The following SEC22A variants were observed in gnomAD, a reference collection of about 807,000 sequenced individuals.
SEC22A encodes SEC22 homolog A, vesicle trafficking protein.
SEC22A carries 22 observed loss-of-function variants against 35.3 expected under a neutral mutation model. The ratio of observed to expected loss-of-function variants is 0.62; its 90% CI spans 0.45 to 0.89. SEC22A has a LOEUF of 0.89. Ranked by LOEUF, SEC22A falls within the 40% of genes least tolerant of loss-of-function variation. SEC22A has a pLI of 0.00. For synonymous variants in SEC22A, 119 were observed against 129.5 expected (o/e 0.92, Z 0.55); for missense variants, 354 against 362.5 (o/e 0.98, Z 0.19).
rs1189954330 is a variant in SEC22A, at chr3:123,272,400, TA to T, written c.*684del. 1 of 152,314 alleles carries T rather than the reference TA, an allele frequency of 6.6e-6. No homozygotes were observed. The highest frequency in any genetic ancestry group is 2.1e-4 in the South Asian group (1 of 4,822). 9.4% of individuals were successfully genotyped at this position (152,314 alleles called of 1,614,324 possible). A position where few individuals can be genotyped will look rare whatever the true frequency, so the allele number is the denominator to read the frequency against. On this transcript the variant is annotated 3_prime_UTR_variant, in exon 7 of 7. Transcript: ENST00000492595. ...TTATTGTTTCTTTTGAAATCACGTCTAAAAAATATGACTCACACTATAGCCG... is the reference window on the plus strand; with the variant it reads ...TTATTGTTTCTTTTGAAATCACGTCTAAAAATATGACTCACACTATAGCCG...
At chr3:123,233,484 C>A (rs982745964) in intron 4 of SEC22A, among the ~76,000 whole-genome samples, 6 of 152,116 alleles carry the variant, frequency 3.9e-5, no homozygotes, top group African/African-American at 1.4e-4. Flanking sequence ...TGCATAAATC[C>A]TGACCAAGTG....
At position 123,209,351 on chromosome 3, in the gene SEC22A, C is replaced by T; in HGVS notation, c.134C>T (p.Ala45Val). 2 of 1,613,982 alleles carry T rather than the reference C, an allele frequency of 1.2e-6. No homozygotes were observed. The highest frequency in any genetic ancestry group is 1.7e-6 in the Non-Finnish European group (2 of 1,179,928). ...TTTAAAATGCTTTCGAGGAAACTTG[C>T]TCAACTTCCTGATAGATGTACACTG... The part of the protein sequence containing the change: ...KYFKMLSRKL[A>V]QLPDRCTLKT... The change falls in exon 2 of 7, where the codon GCT (alanine) becomes GTT (valine). Residue 45 changes from alanine (A) to valine (V), a missense_variant. Ala to Val is a moderately conservative substitution (Grantham distance 64). Transcript: ENST00000492595.
chr3:123,216,249 T>C (rs1045383779), intron 2 of SEC22A, among the ~76,000 whole-genome samples: 2 of 152,216 alleles, frequency 1.3e-5, no homozygotes, highest in African/African-American at 2.4e-5. Context: ...AGGGATTATC[T>C]GATCAGTTAT....
intron 6 of SEC22A, among the ~76,000 whole-genome samples, chr3:123,260,624 A>AG (rs1216735800): frequency 6.6e-6 from 1 of 152,212 alleles, no homozygotes; most frequent in Non-Finnish European, 1.5e-5. Context: ...ACAGCAAGCA[A>AG]GGCTTTTTGA....
intron 5 of SEC22A, among the ~76,000 whole-genome samples, chr3:123,251,979 T>G (rs963478132): frequency 2.6e-5 from 4 of 152,192 alleles, no homozygotes; most frequent in African/African-American, 9.7e-5. Context: ...AGTGTCAGAA[T>G]GTAAATGGAC....
At chr3:123,212,940 T>G (rs1348767236) in intron 2 of SEC22A, among the ~76,000 whole-genome samples, 1 of 152,200 alleles carries the variant, frequency 6.6e-6, no homozygotes, top group African/African-American at 2.4e-5. Flanking sequence ...AACATTGTTT[T>G]TCCTGTTATT....
At chr3:123,247,243 C>G (rs1016033113) in intron 5 of SEC22A, among the ~76,000 whole-genome samples, 24 of 151,956 alleles carry the variant, frequency 1.6e-4, no homozygotes, top group Admixed American at 3.9e-4. Context: ...TTTTTGTACT[C>G]AACATAGTAG....
chr3:123,221,557 T>A (rs903785511), intron 2 of SEC22A, among the ~76,000 whole-genome samples: 14 of 151,904 alleles, frequency 9.2e-5, no homozygotes, highest in Non-Finnish European at 2.1e-4. Context: ...GCATGCTGTT[T>A]ACTGCCCCTG....
chr3:123,238,718 A>G (rs193112475), intron 4 of SEC22A, among the ~76,000 whole-genome samples: 1 of 151,476 alleles, frequency 6.6e-6, no homozygotes, highest in East Asian at 1.9e-4. Context: ...TCTTTTTTGT[A>G]TTTCTTGACT....
At chr3:123,219,719 C>T (rs9790285) in intron 2 of SEC22A, among the ~76,000 whole-genome samples, 25,247 of 152,084 alleles carry the variant, frequency 0.17, 2,352 homozygotes, top group Middle Eastern at 0.27. Context: ...GATAGACATC[C>T]GCCAGATTGT....
At chr3:123,222,998 C>T (rs1371933928) in intron 2 of SEC22A, among the ~76,000 whole-genome samples, 1 of 152,216 alleles carries the variant, frequency 6.6e-6, no homozygotes, top group African/African-American at 2.4e-5. Context: ...GCCCTCATTT[C>T]TCCTTTTGTT....
In SEC22A at chr3:123,273,708, T is replaced by TGAGGCAGGAGAATCGCTTG. The variant is rs1938225925; in HGVS notation, c.*1987_*2005dup. Reference sequence around the variant, plus strand: ...CTTTAGTCCCAGCTACTCGGGAGGCTGAGGCAGGAGAATCGCTTGAACCCA... The same window carrying TGAGGCAGGAGAATCGCTTG: ...CTTTAGTCCCAGCTACTCGGGAGGCTGAGGCAGGAGAATCGCTTGGAGGCAGGAGAATCGCTTGAACCCA... On this transcript the variant is annotated 3_prime_UTR_variant, in exon 7 of 7. Transcript: ENST00000492595. The TGAGGCAGGAGAATCGCTTG allele has an allele frequency of 7.9e-5, 12 of 152,414 alleles. No homozygotes were observed. In the South Asian group the frequency reaches 2.5e-3, roughly 32 times the overall value. 9.4% of individuals were successfully genotyped at this position (152,414 alleles called of 1,614,324 possible).
At chr3:123,234,687 T>C (rs1300798029) in intron 4 of SEC22A, among the ~76,000 whole-genome samples, 1 of 152,162 alleles carries the variant, frequency 6.6e-6, no homozygotes, top group African/African-American at 2.4e-5. Flanking sequence ...TGTATAATCT[T>C]ATATTAGGTT....
intron 5 of SEC22A, among the ~76,000 whole-genome samples, chr3:123,257,294 T>G (rs903101376): frequency 7.2e-5 from 11 of 152,200 alleles, no homozygotes; most frequent in African/African-American, 2.7e-4. Flanking sequence ...TCACTTAATC[T>G]CTACAACTTT....
chr3:123,255,195 A>G (rs1937699596), intron 5 of SEC22A, among the ~76,000 whole-genome samples: 1 of 152,212 alleles, frequency 6.6e-6, no homozygotes, highest in African/African-American at 2.4e-5. Context: ...AGTCACTGTT[A>G]ATAGTTTAAT....
chr3:123,242,671 CAGAT>C (rs1184018226), intron 4 of SEC22A, among the ~76,000 whole-genome samples: 1 of 152,210 alleles, frequency 6.6e-6, no homozygotes, highest in African/African-American at 2.4e-5. Flanking sequence ...GCTCTGCAGT[CAGAT>C]AGACCTAAGT....
At position 123,248,635 on chromosome 3, in the gene SEC22A, A is replaced by G. The variant is rs190572952; in HGVS notation, c.657+2621A>G. ...ATGTTTATAGACAGGAAGACTCAATATTGTTTAGGTATCATTTCTTCCCAA... is the reference window on the plus strand; with the variant it reads ...ATGTTTATAGACAGGAAGACTCAATGTTGTTTAGGTATCATTTCTTCCCAA... On this transcript the variant is annotated intron_variant, in intron 5 of 6. Transcript: ENST00000492595. Among the ~76,000 whole-genome samples the G allele has an allele frequency of 2.8e-4, 43 of 152,330 alleles. No homozygotes were observed. In the East Asian group the frequency reaches 7.9e-3, roughly 28 times the overall value.
At chr3:123,204,447 A>T (rs2108021478) in intron 1 of SEC22A, among the ~76,000 whole-genome samples, 1 of 152,294 alleles carries the variant, frequency 6.6e-6, no homozygotes, top group East Asian at 1.9e-4. Flanking sequence ...CATTTGTGAA[A>T]GCATTTGGTT....
At chr3:123,219,638 A>G (rs779263182) in intron 2 of SEC22A, among the ~76,000 whole-genome samples, 1 of 152,228 alleles carries the variant, frequency 6.6e-6, no homozygotes, top group African/African-American at 2.4e-5. Context: ...GGCCTAGCTC[A>G]TACTAAGCGG....
Sources: gnomAD v4.1 joint callset for allele counts (sites outside exome capture counted in the v4.1 genomes callset) on GRCh38, gnomAD v4.1.1 for gene constraint, MANE v1.5 for transcripts, NCBI Gene and HGNC (gene_info 2026-07-23, HGNC 2026-07-21) for gene names.